Variants in TAX1BP1 observed in about 807,000 individuals in gnomAD.
TAX1BP1 encodes tax1-binding protein 1.
Under a neutral mutation model 97.7 loss-of-function variants are expected in TAX1BP1, and 62 were observed. The ratio of observed to expected loss-of-function variants is 0.63; its 90% CI spans 0.52 to 0.78. The LOEUF is 0.78. TAX1BP1 is among the 30% of genes least tolerant of loss of function. TAX1BP1 has a pLI of 0.00. For missense variants in TAX1BP1, 867 were observed against 916.1 expected, an observed-to-expected ratio of 0.95 and a Z score of 0.69; for synonymous variants, 340 against 304.2, an observed-to-expected ratio of 1.12 and a Z score of -1.23.
chr7:27,806,634 A>T lies in TAX1BP1; in HGVS notation c.1764+6544A>T, dbSNP rs77130353. Among the ~76,000 whole-genome samples the T allele has an allele frequency of 2.6e-3, 392 of 152,182 alleles. 7 individuals are homozygous for T. Among genetic ancestry groups the T allele is most frequent in the East Asian group, 0.019 (99 of 5,170 alleles). ...ATCTGTCTACTCATATGGTAGTAAC[A>T]TGGTGTTTTAATTGTAAGAACTTTG... On this transcript the variant is annotated intron_variant, in intron 13 of 16. Transcript: ENST00000396319.
chr7:27,743,662 T>C (rs1403927979), intron 1 of TAX1BP1, among the ~76,000 whole-genome samples: 2 of 152,274 alleles, frequency 1.3e-5, no homozygotes, highest in Admixed American at 6.5e-5. Flanking sequence ...GACACTTTAC[T>C]AATCTTGTTT....
At chr7:27,762,298 G>A (rs891122853) in intron 3 of TAX1BP1, among the ~76,000 whole-genome samples, 4 of 152,146 alleles carry the variant, frequency 2.6e-5, no homozygotes, top group African/African-American at 9.6e-5. Flanking sequence ...GGTGTGTATT[G>A]GAACCGGTTT....
At position 27,828,864 on chromosome 7, in the gene TAX1BP1, T is replaced by TAAA. The variant is rs34270007; in HGVS notation, c.*50_*52dup. Reference sequence around the variant, plus strand: ...ATTATGAGTTAATATAGTTTAGCAGTAAAAAAAAAAAAAAAAACCACACCT... The same window carrying TAAA: ...ATTATGAGTTAATATAGTTTAGCAGTAAAAAAAAAAAAAAAAAAAACCACACCT... On this transcript the variant is annotated 3_prime_UTR_variant, in exon 17 of 17. Transcript: ENST00000396319. 3,946 of 984,498 alleles carry TAAA rather than the reference T, an allele frequency of 4.0e-3. No homozygotes were observed. The highest frequency in any genetic ancestry group is 6.5e-3 in the South Asian group (372 of 56,868). The allele number at this position is 984,498 out of a possible 1,614,324, so 61.0% of individuals were successfully genotyped here. A position where few individuals can be genotyped will look rare whatever the true frequency, so the allele number is the denominator to read the frequency against.
intron 15 of TAX1BP1, among the ~76,000 whole-genome samples, chr7:27,819,654 T>G (rs1423133369): frequency 6.6e-6 from 1 of 152,206 alleles, no homozygotes; most frequent in South Asian, 2.1e-4. Context: ...TATGTGTTTT[T>G]GACTTGAAGG....
intron 5 of TAX1BP1, among the ~76,000 whole-genome samples, chr7:27,782,942 T>G (rs1411075889): frequency 6.6e-6 from 1 of 152,218 alleles, no homozygotes; most frequent in African/African-American, 2.4e-5. Flanking sequence ...ACTTTTAAAA[T>G]GTGTTTAGCC....
At chr7:27,817,070 C>A in intron 15 of TAX1BP1, 32 bp downstream of exon 15, 1 of 1,586,044 alleles carries the variant, frequency 6.3e-7, no homozygotes, top group African/African-American at 1.4e-5. Flanking sequence ...TGAGCCTGTC[C>A]CTTTTTTATT....
intron 5 of TAX1BP1, among the ~76,000 whole-genome samples, chr7:27,781,556 G>A (rs1237104918): frequency 6.6e-6 from 1 of 152,134 alleles, no homozygotes; most frequent in Non-Finnish European, 1.5e-5. Context: ...TGTTATACCT[G>A]TATAGGGCAT....
At position 27,816,389 on chromosome 7, in the gene TAX1BP1, T is replaced by C; in HGVS notation, c.1805T>C (p.Met602Thr). The change falls in exon 14 of 17, where the codon ATG (methionine) becomes ACG (threonine). Residue 602 changes from methionine (M) to threonine (T), a missense_variant. Coordinates refer to ENST00000396319, the MANE Select transcript of TAX1BP1 (RefSeq NM_006024.7). ...RSLENPAERK[M>T]EGQNSQSPQC... ...CTAGAAAATCCAGCAGAAAGGAAAA[T>C]GGAAGGTCAGAATTCCCAGAGTCCT... The C allele has an allele frequency of 1.3e-6, 2 of 1,584,838 alleles. No homozygotes were observed. The highest frequency in any genetic ancestry group is 1.7e-6 in the Non-Finnish European group (2 of 1,172,000).
At chr7:27,806,618 C>T (rs1170434788) in intron 13 of TAX1BP1, among the ~76,000 whole-genome samples, 2 of 152,066 alleles carry the variant, frequency 1.3e-5, no homozygotes, top group Non-Finnish European at 2.9e-5. Flanking sequence ...GATCTGTCTA[C>T]TCATATGGTA....
At chr7:27,792,303 G>A (rs1789749195) in intron 9 of TAX1BP1, 73 bp downstream of exon 9, 2 of 1,338,516 alleles carry the variant, frequency 1.5e-6, no homozygotes, top group Admixed American at 4.2e-5. Flanking sequence ...AGTAAATTGT[G>A]TTAAGATAAG....
chr7:27,819,622 G>T (rs1437153376), intron 15 of TAX1BP1, among the ~76,000 whole-genome samples: 1 of 152,116 alleles, frequency 6.6e-6, no homozygotes, highest in East Asian at 1.9e-4. Flanking sequence ...GTTACATCCT[G>T]ATAAACCCAT....
At position 27,799,904 on chromosome 7, in the gene TAX1BP1, G is replaced by A. The variant is rs528758289; in HGVS notation, c.1639-61G>A. ...GTTCAGCCCATATCTAAGTACATTA[G>A]TATAGATTTTCACTCTACATGAATT... On this transcript the variant is annotated intron_variant, in intron 12 of 16. Transcript: ENST00000396319. 105 of 1,379,780 alleles carry A rather than the reference G, an allele frequency of 7.6e-5. 2 individuals are homozygous for A. The Middle Eastern group carries it at 1.6e-3, about 21-fold the overall frequency. The allele number at this position is 1,379,780 out of a possible 1,614,324, so 85.5% of individuals were successfully genotyped here. A position where few individuals can be genotyped will look rare whatever the true frequency, so the allele number is the denominator to read the frequency against.
At chr7:27,806,748 T>C (rs1355723335) in intron 13 of TAX1BP1, among the ~76,000 whole-genome samples, 3 of 152,160 alleles carry the variant, frequency 2.0e-5, no homozygotes, top group Non-Finnish European at 4.4e-5. Context: ...AAGGGTTAGT[T>C]TTCCATAGCA....
intron 11 of TAX1BP1, among the ~76,000 whole-genome samples, chr7:27,795,120 T>C (rs1789870466): frequency 6.6e-6 from 1 of 152,230 alleles, no homozygotes; most frequent in South Asian, 2.1e-4. Flanking sequence ...TTTTCTTGTT[T>C]AGTGTGTGTA....
intron 15 of TAX1BP1, among the ~76,000 whole-genome samples, chr7:27,825,671 G>A (rs1190858707): frequency 6.6e-6 from 1 of 152,006 alleles, no homozygotes; most frequent in African/African-American, 2.4e-5. Flanking sequence ...TCCCCTCCAG[G>A]TATTTAACGA....
chr7:27,741,158 G>A, intron 1 of TAX1BP1, among the ~76,000 whole-genome samples: 1 of 152,226 alleles, frequency 6.6e-6, no homozygotes, highest in East Asian at 1.9e-4. Context: ...CTTTAGATGG[G>A]AAAATAAATC....
chr7:27,763,031 A>G (rs1305370903), intron 3 of TAX1BP1, among the ~76,000 whole-genome samples: 1 of 152,186 alleles, frequency 6.6e-6, no homozygotes, highest in Non-Finnish European at 1.5e-5. Context: ...TTTATTTTGA[A>G]TTTTGAAATT....
rs771901638 is a variant in TAX1BP1 at position 27,785,180 on chromosome 7, A to G, written c.630A>G (p.Thr210=). The G allele has an allele frequency of 6.2e-7, 1 of 1,610,486 alleles. No homozygotes were observed. Among genetic ancestry groups the G allele is most frequent in the Admixed American group, 1.7e-5 (1 of 59,482 alleles). Residue 210 remains threonine (T), a synonymous_variant, in exon 6 of 17, where the codon ACA becomes ACG. Coordinates refer to ENST00000396319, the MANE Select transcript of TAX1BP1 (RefSeq NM_006024.7). ...CTTCTCAGGGTCTTACTGAAGTAACACAAAGCTTAAAAATGGAAAATGAAG... is the reference window on the plus strand; with the variant it reads ...CTTCTCAGGGTCTTACTGAAGTAACGCAAAGCTTAAAAATGGAAAATGAAG... The part of the protein sequence containing the change: ...QAEQKGLTEV[T]QSLKMENEEF...
rs1477065096 is a variant in TAX1BP1, at chr7:27,748,555, A to G, written c.31A>G (p.Thr11Ala). Reference sequence around the variant, plus strand: ...ATCCTTTCAAGAAGTCCCATTGCAGACTTCCAACTTTGCCCATGTCATCTT... The same window carrying G: ...ATCCTTTCAAGAAGTCCCATTGCAGGCTTCCAACTTTGCCCATGTCATCTT... Reference protein sequence around the residue: MTSFQEVPLQTSNFAHVIFQN... With the variant: MTSFQEVPLQASNFAHVIFQN... The change falls in exon 2 of 17, where the codon ACT becomes GCT. Residue 11 changes from threonine (T) to alanine (A), a missense_variant. Around this residue, in one of 3 missense-constraint regions of TAX1BP1, gnomAD observed 822 missense variants for 851.4 expected, o/e 0.97. Transcript: ENST00000396319. 1.2e-6 allele frequency: 2 copies of G among 1,600,188 alleles called. No individual in the cohort carries two copies. The highest frequency in any genetic ancestry group is 1.7e-6 in the Non-Finnish European group (2 of 1,172,380).
Sources: gnomAD v4.1 joint callset for allele counts (sites outside exome capture counted in the v4.1 genomes callset) on GRCh38, gnomAD v4.1.1 for gene constraint, gnomAD v4.1.1 regional missense constraint, MANE v1.5 for transcripts, NCBI Gene and HGNC (gene_info 2026-07-23, HGNC 2026-07-21) for gene names.